The following DDX46 variants were observed in gnomAD, a reference collection of about 807,000 sequenced individuals.
DDX46 encodes DEAD-box helicase 46.
A neutral mutation model predicts 134.9 loss-of-function variants in DDX46; 30 were observed. That is an observed-to-expected ratio of 0.22 (90% CI 0.17 to 0.30). DDX46 has a LOEUF of 0.30. DDX46 is among the 10% of genes least tolerant of loss of function. The pLI is 1.00. For synonymous variants in DDX46, 415 were observed against 404.1 expected (o/e 1.03, Z -0.32); for missense variants, 622 against 1,248.7 (o/e 0.50, Z 7.56).
intron 6 of DDX46, 96 bp from the exon 7 acceptor site, chr5:134,781,037 C>A: frequency 1.2e-6 from 1 of 866,120 alleles, no homozygotes; most frequent in Non-Finnish European, 1.7e-6. Context: ...AGAAAAAAAA[C>A]TAAAGATGAA....
In DDX46 at chr5:134,830,098, TTAAA is replaced by T. The variant is rs1228538872; in HGVS notation, c.*1397_*1400del. On this transcript the variant is annotated 3_prime_UTR_variant, in exon 23 of 23. Coordinates refer to ENST00000452510, the MANE Select transcript of DDX46 (RefSeq NM_001300860.2). ...TCAAAAAAGGAATTTTTTTCAGGAG[TTAAA>T]TAAAGTCAGTCTTTTATATCCAAGG... The T allele has an allele frequency of 2.0e-5, 3 of 149,776 alleles. No homozygotes were observed. The highest frequency in any genetic ancestry group is 4.4e-5 in the Non-Finnish European group (3 of 67,662). The allele number at this position is 149,776 out of a possible 1,614,324, so 9.3% of individuals were successfully genotyped here. A position where few individuals can be genotyped will look rare whatever the true frequency, so the allele number is the denominator to read the frequency against.
At chr5:134,791,939 A>T (rs1754515445) in intron 13 of DDX46, among the ~76,000 whole-genome samples, 1 of 152,224 alleles carries the variant, frequency 6.6e-6, no homozygotes, top group Non-Finnish European at 1.5e-5. Context: ...GCAATTTGGG[A>T]GGCCGAGGCA....
At chr5:134,791,196 G>A (rs1042113745) in intron 13 of DDX46, among the ~76,000 whole-genome samples, 1 of 152,088 alleles carries the variant, frequency 6.6e-6, no homozygotes, top group African/African-American at 2.4e-5. Flanking sequence ...CGTCATTTAC[G>A]TTTACCAAAG....
intron 2 of DDX46, among the ~76,000 whole-genome samples, chr5:134,766,552 C>A (rs956928783): frequency 6.7e-6 from 1 of 148,892 alleles, no homozygotes; most frequent in Non-Finnish European, 1.5e-5. Flanking sequence ...AAAACTCTGT[C>A]TCCAAAAAAA....
At chr5:134,776,906 T>A (rs1211728789) in intron 5 of DDX46, among the ~76,000 whole-genome samples, 1 of 135,146 alleles carries the variant, frequency 7.4e-6, no homozygotes, top group African/African-American at 2.8e-5. Flanking sequence ...AGAGCGAGAC[T>A]CTGTCTCAAA....
In DDX46 at chr5:134,781,166, G is replaced by C. The variant is rs1209174062; in HGVS notation, c.799G>C (p.Val267Leu). The C allele has an allele frequency of 1.2e-6, 2 of 1,600,176 alleles. No homozygotes were observed. Among genetic ancestry groups the C allele is most frequent in the Non-Finnish European group, 8.5e-7 (1 of 1,176,998 alleles). ...SGPTVTKVVT[V>L]VTTKKAVVDS... The stretch of plus-strand genomic sequence containing the variant: ...GCCAACGGTCACAAAAGTTGTCACT[G>C]TTGTGACAACCAAAAAAGCAGTTGT... The change falls in exon 7 of 23, where the codon GTT (valine) becomes CTT (leucine). Residue 267 changes from valine to leucine, a missense_variant. Physicochemically the swap from Val to Leu is conservative, Grantham distance 32. Coordinates refer to ENST00000452510, the MANE Select transcript of DDX46 (RefSeq NM_001300860.2).
At chr5:134,826,829 C>A in intron 21 of DDX46, 118 bp from the exon 22 acceptor site, 1 of 842,348 alleles carries the variant, frequency 1.2e-6, no homozygotes, top group South Asian at 2.2e-5. Flanking sequence ...GCTATCTTGG[C>A]AGGCAGTACA....
chr5:134,784,664 C>A, intron 10 of DDX46, 123 bp downstream of exon 10: 3 of 1,118,666 alleles, frequency 2.7e-6, no homozygotes, highest in Non-Finnish European at 3.6e-6. Context: ...TTTTCTTTAT[C>A]AATTTGGCAC....
chr5:134,760,725 TTTTTTGTTTTTG>T (rs1389706411), intron 1 of DDX46, among the ~76,000 whole-genome samples: 2 of 152,066 alleles, frequency 1.3e-5, no homozygotes, highest in African/African-American at 4.8e-5. Flanking sequence ...ACTTGGTTGT[TTTTTTGTTTTTG>T]TTTTTGTTTT....
intron 15 of DDX46, chr5:134,797,274 G>T (rs1352792785): frequency 4.8e-6 from 1 of 209,930 alleles, no homozygotes; most frequent in Non-Finnish European, 9.6e-6. Context: ...GCTTAGTAAT[G>T]AATCACTCCA....
intron 15 of DDX46, among the ~76,000 whole-genome samples, chr5:134,806,135 C>G (rs978055915): frequency 1.3e-5 from 2 of 151,840 alleles, no homozygotes; most frequent in Non-Finnish European, 2.9e-5. Context: ...ATCGCTTGAA[C>G]CTGGGAGGCA....
At chr5:134,771,985 C>T (rs1315483271) in intron 4 of DDX46, among the ~76,000 whole-genome samples, 1 of 150,718 alleles carries the variant, frequency 6.6e-6, no homozygotes, top group Admixed American at 6.6e-5. Context: ...AATCTCACCA[C>T]TTTGGGAGGC....
Position 134,800,814 on chromosome 5 carries a change from TA to T in DDX46, c.1954+4665del, listed in dbSNP as rs1754804320. Among the ~76,000 whole-genome samples, 6 of 152,280 alleles carry T rather than the reference TA, an allele frequency of 3.9e-5. No homozygotes were observed. The South Asian group carries it at 1.2e-3, about 32-fold the overall frequency. ...CCTCAGCCTCCTAAGTAGCTGGGATTACCGGCATGTGCCACCTCGTCTCACT... is the reference window on the plus strand; with the variant it reads ...CCTCAGCCTCCTAAGTAGCTGGGATTCCGGCATGTGCCACCTCGTCTCACT... On this transcript the variant is annotated intron_variant, in intron 15 of 22. Coordinates refer to ENST00000452510, the MANE Select transcript of DDX46 (RefSeq NM_001300860.2).
At chr5:134,776,957 A>G (rs926087457) in intron 5 of DDX46, among the ~76,000 whole-genome samples, 3 of 149,442 alleles carry the variant, frequency 2.0e-5, no homozygotes, top group African/African-American at 4.9e-5. Context: ...TCACGCCTGT[A>G]ATCCCAGCAC....
At chr5:134,785,951 C>T (rs1231706529) in intron 11 of DDX46, among the ~76,000 whole-genome samples, 6 of 151,772 alleles carry the variant, frequency 4.0e-5, no homozygotes, top group Non-Finnish European at 5.9e-5. Context: ...CTGGTTCAAG[C>T]GATTCTCCTA....
At chr5:134,768,830 G>T (rs1753664796) in intron 3 of DDX46, among the ~76,000 whole-genome samples, 1 of 152,142 alleles carries the variant, frequency 6.6e-6, no homozygotes, top group African/African-American at 2.4e-5. Flanking sequence ...GGAGGCCGAG[G>T]TGGATGGATC....
In DDX46 at chr5:134,821,534, TTG is replaced by T. The variant is rs746621478; in HGVS notation, c.2977+2532_2977+2533del. ...TGATTTGCTCTTGTTTCTGGGTTTT[TTG>T]TTTTTTTTTTTTTTTGAGAGGGAGT... On this transcript the variant is annotated intron_variant, in intron 21 of 22. Coordinates refer to ENST00000452510, the MANE Select transcript of DDX46 (RefSeq NM_001300860.2). Among the ~76,000 whole-genome samples, 939 of 141,804 alleles carry T rather than the reference TTG, an allele frequency of 6.6e-3. 19 individuals carry two copies. Among genetic ancestry groups the T allele is most frequent in the Middle Eastern group, 0.022 (6 of 276 alleles). 93.0% of individuals were successfully genotyped at this position (141,804 alleles called of 152,430 possible). A position where few individuals can be genotyped will look rare whatever the true frequency, so the allele number is the denominator to read the frequency against.
intron 16 of DDX46, 69 bp downstream of exon 16, chr5:134,808,010 G>C: frequency 7.2e-7 from 1 of 1,387,480 alleles, no homozygotes. Flanking sequence ...GTATTTCAAG[G>C]AGTAGATAAT....
At chr5:134,804,546 C>T (rs1472991683) in intron 15 of DDX46, among the ~76,000 whole-genome samples, 1 of 152,104 alleles carries the variant, frequency 6.6e-6, no homozygotes, top group East Asian at 1.9e-4. Context: ...TCAGGTGATC[C>T]TCCCACCTCA....
Sources: gnomAD v4.1 joint callset for allele counts (sites outside exome capture counted in the v4.1 genomes callset) on GRCh38, gnomAD v4.1.1 for gene constraint, MANE v1.5 for transcripts, NCBI Gene and HGNC (gene_info 2026-07-23, HGNC 2026-07-21) for gene names.